Variants in SEMA4F observed in about 807,000 individuals in gnomAD.
The protein encoded by SEMA4F is ssemaphorin 4F, also known as semaphorin-4F.
Under a neutral mutation model 78.4 loss-of-function variants are expected in SEMA4F, and 51 were observed. The observed-to-expected ratio is 0.65, with a 90% CI of 0.52 to 0.82. The LOEUF is 0.82. Among genes scored for constraint, SEMA4F ranks in the 40% least tolerant of loss-of-function variants. The probability of loss-of-function intolerance (pLI) is 0.00; values close to 1 mark genes in which losing one functional copy is unlikely to be tolerated. For missense variants in SEMA4F, 938 were observed against 1,014.4 expected (o/e 0.92, Z 1.02); for synonymous variants, 418 against 408.7 (o/e 1.02, Z -0.27).
chr2:74,668,672 G>A (rs568447922), intron 5 of SEMA4F, among the ~76,000 whole-genome samples: 7 of 150,846 alleles, frequency 4.6e-5, no homozygotes, highest in South Asian at 2.1e-4. Context: ...GTGCAGTGGC[G>A]TGATCTTGGC....
chr2:74,696,185 CT>C, the SEMA4F span, among the ~76,000 whole-genome samples: 574 of 109,004 alleles, frequency 5.3e-3, 3 homozygotes, highest in African/African-American at 0.014. Context: ...TCTCCTGCCT[CT>C]TTTTTTTTTT....
intron 5 of SEMA4F, among the ~76,000 whole-genome samples, chr2:74,663,396 T>C (rs1183163228): frequency 6.6e-6 from 1 of 152,244 alleles, no homozygotes; most frequent in East Asian, 1.9e-4. Flanking sequence ...AAAATATCTC[T>C]ACTTAGAAAA....
rs776046741 is a variant in SEMA4F, at chr2:74,674,622, G to A, written c.947G>A (p.Arg316Gln). Residue 316 changes from arginine (R) to glutamine (Q), a missense_variant, in exon 8 of 14, where the codon CGA becomes CAA. Coordinates refer to ENST00000357877, the MANE Select transcript of SEMA4F (RefSeq NM_004263.5). Reference sequence around the variant, plus strand: ...GTCCTGCAGGATGTTGCTGTGCTTCGACCTGAGCTTGGGGCAGGGACTCCC... The same window carrying A: ...GTCCTGCAGGATGTTGCTGTGCTTCAACCTGAGCTTGGGGCAGGGACTCCC... The part of the protein sequence containing the change: ...SSVLQDVAVL[R>Q]PELGAGTPIF... The A allele has an allele frequency of 8.1e-6, 13 of 1,613,942 alleles. No individual in the cohort carries two copies. Among genetic ancestry groups the A allele is most frequent in the African/African-American group, 2.7e-5 (2 of 74,866 alleles).
Position 74,679,306 on chromosome 2 carries a change from C to A in SEMA4F, c.1674C>A (p.Val558=). 1 of 1,613,410 alleles carries A rather than the reference C, an allele frequency of 6.2e-7. No individual in the cohort carries two copies. Among genetic ancestry groups the A allele is most frequent in the Non-Finnish European group, 8.5e-7 (1 of 1,179,372 alleles). The change falls in exon 13 of 14, where the codon GTC becomes GTA. Residue 558 remains valine (V), a synonymous_variant. Coordinates refer to ENST00000357877, the MANE Select transcript of SEMA4F (RefSeq NM_004263.5). ...TCCAAGACATAGAGTCAGCAGATGTCTCCTCTTTGTGTCCTAAAGAGCCTG... is the reference window on the plus strand; with the variant it reads ...TCCAAGACATAGAGTCAGCAGATGTATCCTCTTTGTGTCCTAAAGAGCCTG... ...GLVQDIESAD[V]SSLCPKEPGE... is the part of the protein sequence containing the mutation.
chr2:74,654,430 G>C lies in SEMA4F; in HGVS notation c.54G>C (p.Ser18=). ...CGGGTCCCGGGCAGCCTACAGCCTC[G>C]CCCTTCCCGCTACTGCTGCTGGCGG... ...PRPGPGQPTA[S]PFPLLLLAVL... The change falls in exon 1 of 14, where the codon TCG becomes TCC. Residue 18 remains serine, a synonymous_variant. Transcript: ENST00000357877. 1 of 1,563,296 alleles carries C rather than the reference G, an allele frequency of 6.4e-7. No homozygotes were observed. The highest frequency in any genetic ancestry group is 8.6e-7 in the Non-Finnish European group (1 of 1,160,918).
At chr2:74,666,158 G>A (rs1454036048) in intron 5 of SEMA4F, among the ~76,000 whole-genome samples, 3 of 152,150 alleles carry the variant, frequency 2.0e-5, no homozygotes, top group South Asian at 2.1e-4. Context: ...TGCCTGCCTC[G>A]GCCTCTTAAA....
rs775413120 is a variant in SEMA4F at position 74,679,756 on chromosome 2, A to G, written c.1860A>G (p.Pro620=). The change falls in exon 14 of 14, where the codon CCA becomes CCG. Residue 620 remains proline (P), a synonymous_variant. Coordinates refer to ENST00000357877, the MANE Select transcript of SEMA4F (RefSeq NM_004263.5). ...ATGGACTGGAGGTGGTGGTGACCCC[A>G]GGGGCCATGGGCGCTTATGCCTGTG... ...RRDGLEVVVT[P]GAMGAYACEC... is the part of the protein sequence containing the mutation. The G allele has an allele frequency of 1.9e-6, 3 of 1,614,082 alleles. No individual in the cohort carries two copies. Among genetic ancestry groups the G allele is most frequent in the Non-Finnish European group, 2.5e-6 (3 of 1,179,992 alleles).
chr2:74,697,736 T>G, the SEMA4F span, among the ~76,000 whole-genome samples: 1 of 152,162 alleles, frequency 6.6e-6, no homozygotes, highest in Admixed American at 6.5e-5. Flanking sequence ...TAGTTCAACT[T>G]TGATCCCTAG....
At position 74,656,666 on chromosome 2, in the gene SEMA4F, CAG is replaced by C; in HGVS notation, c.279_280del (p.Arg96ThrfsTer5). On this transcript the variant is annotated frameshift_variant, in exon 2 of 14. Transcript: ENST00000357877. LOFTEE classifies it high-confidence loss of function. Reference sequence around the variant, plus strand: ...ATCTTCGCTTTATCCCTGCCCTTCTCAGGGGAGAGACCCCGCAGGGTGAGAGA... The same window carrying C: ...ATCTTCGCTTTATCCCTGCCCTTCTCGGGAGAGACCCCGCAGGGTGAGAGA... The C allele has an allele frequency of 6.2e-7, 1 of 1,614,166 alleles. No individual in the cohort carries two copies. The highest frequency in any genetic ancestry group is 8.5e-7 in the Non-Finnish European group (1 of 1,180,032).
intron 12 of SEMA4F, among the ~76,000 whole-genome samples, chr2:74,678,255 G>A (rs146847454): frequency 6.0e-4 from 92 of 152,274 alleles, no homozygotes; most frequent in African/African-American, 2.1e-3. Context: ...GTGGAGGGGG[G>A]TGGTGGGGAG....
chr2:74,662,708 CA>C, intron 4 of SEMA4F, 23 bp from the exon 5 acceptor site: 5 of 1,599,722 alleles, frequency 3.1e-6, no homozygotes, highest in Non-Finnish European at 4.3e-6. Context: ...ACCCCTAAAC[CA>C]ATTGCCCCCT....
At chr2:74,664,199 C>CATGT (rs1460345895) in intron 5 of SEMA4F, among the ~76,000 whole-genome samples, 1 of 152,124 alleles carries the variant, frequency 6.6e-6, no homozygotes, top group African/African-American at 2.4e-5. Flanking sequence ...ATTTTATGAG[C>CATGT]ATGTGCACAG....
chr2:74,679,331 G>A lies in SEMA4F; in HGVS notation c.1699G>A (p.Gly567Arg), dbSNP rs1422250048. The change falls in exon 13 of 14, where the codon GGA (glycine) becomes AGA (arginine). Residue 567 changes from glycine (G) to arginine (R), a missense_variant. By Grantham distance (125) the Gly-to-Arg change is moderately radical. Transcript: ENST00000357877. Reference sequence around the variant, plus strand: ...CTCCTCTTTGTGTCCTAAAGAGCCTGGAGGTCTGTATGGTCTGTATGGATT... The same window carrying A: ...CTCCTCTTTGTGTCCTAAAGAGCCTAGAGGTCTGTATGGTCTGTATGGATT... ...DVSSLCPKEPGERPVVFEVPV... is the reference protein window; with the variant it reads ...DVSSLCPKEPRERPVVFEVPV... The A allele has an allele frequency of 1.2e-6, 2 of 1,611,780 alleles. No individual in the cohort carries two copies. Among genetic ancestry groups the A allele is most frequent in the Non-Finnish European group, 1.7e-6 (2 of 1,177,844 alleles).
intron 4 of SEMA4F, among the ~76,000 whole-genome samples, chr2:74,660,660 T>G (rs1684380591): frequency 6.6e-6 from 1 of 152,252 alleles, no homozygotes; most frequent in Non-Finnish European, 1.5e-5. Flanking sequence ...AGACCCGAGT[T>G]AAATGTCATT....
At chr2:74,665,661 A>C (rs536910375) in intron 5 of SEMA4F, among the ~76,000 whole-genome samples, 1 of 152,184 alleles carries the variant, frequency 6.6e-6, no homozygotes, top group Admixed American at 6.5e-5. Flanking sequence ...ATCATTATCT[A>C]TTGTTGAAAT....
chr2:74,689,870 A>G, the SEMA4F span, among the ~76,000 whole-genome samples: 22 of 152,342 alleles, frequency 1.4e-4, no homozygotes, highest in African/African-American at 5.1e-4. Context: ...GTCTCAACAC[A>G]GGCAAAACAG....
rs926631001 is a variant in SEMA4F, at chr2:74,681,840, T to C, written c.*1631T>C. ...TCCCCTTTGAAGTTTTCTGCTCTAC[T>C]TTCCTTGGCAGCAGCCTGTGAACTA... On this transcript the variant is annotated 3_prime_UTR_variant, in exon 14 of 14. Transcript: ENST00000357877. 14 of 152,660 alleles carry C rather than the reference T, an allele frequency of 9.2e-5. No individual in the cohort carries two copies. Among genetic ancestry groups the C allele is most frequent in the Admixed American group, 5.9e-4 (9 of 15,280 alleles). The allele number at this position is 152,660 out of a possible 1,614,324, so 9.5% of individuals were successfully genotyped here.
At chr2:74,657,094 T>G (rs994864985) in intron 2 of SEMA4F, among the ~76,000 whole-genome samples, 1 of 152,246 alleles carries the variant, frequency 6.6e-6, no homozygotes, top group Non-Finnish European at 1.5e-5. Flanking sequence ...GCTTTTTGTG[T>G]GCCAACATGG....
At chr2:74,699,922 T>C in the SEMA4F span, among the ~76,000 whole-genome samples, 1 of 152,080 alleles carries the variant, frequency 6.6e-6, no homozygotes, top group African/African-American at 2.4e-5. Flanking sequence ...AGACAACTTT[T>C]TGAGCTGCTA....
Sources: allele counts gnomAD v4.1 joint callset (sites outside exome capture counted in the v4.1 genomes callset), GRCh38; gene constraint gnomAD v4.1.1; transcripts MANE v1.5; gene names NCBI Gene and HGNC (gene_info 2026-07-23, HGNC 2026-07-21).